AIG1: variants seen among roughly 807,000 people sequenced by gnomAD.
AIG1 encodes the protein androgen-induced gene 1 protein.
AIG1 carries 23 observed loss-of-function variants against 31.4 expected under a neutral mutation model. That is an observed-to-expected ratio of 0.73 (90% CI 0.53 to 1.04). AIG1 has a LOEUF of 1.04. AIG1 is among the 50% of genes least tolerant of loss of function. The pLI is 0.00. For synonymous variants in AIG1, 100 were observed against 110.5 expected, an observed-to-expected ratio of 0.90 and a Z score of 0.60; for missense variants, 274 against 295.0, an observed-to-expected ratio of 0.93 and a Z score of 0.52.
chr6:143,321,470 G>A (rs1184407628), intron 4 of AIG1, among the ~76,000 whole-genome samples: 13 of 151,762 alleles, frequency 8.6e-5, no homozygotes, highest in Admixed American at 2.6e-4. Context: ...GTGGTTGCAC[G>A]CACCTGTAAT....
chr6:143,110,342 C>G (rs1781162956), intron 1 of AIG1, among the ~76,000 whole-genome samples: 1 of 152,044 alleles, frequency 6.6e-6, no homozygotes, highest in African/African-American at 2.4e-5. Flanking sequence ...ATCAGCTTGC[C>G]AAATTTCACA....
chr6:143,071,272 G>A (rs536264370), intron 1 of AIG1, among the ~76,000 whole-genome samples: 18 of 152,230 alleles, frequency 1.2e-4, no homozygotes, highest in East Asian at 7.7e-4. Context: ...TCAGTAGTTC[G>A]TTCCTTTTTA....
At position 143,288,430 on chromosome 6, in the gene AIG1, A is replaced by AT. The variant is rs200564941; in HGVS notation, c.515+4205_515+4206insT. On this transcript the variant is annotated intron_variant, in intron 4 of 5. Coordinates refer to ENST00000357847, the MANE Select transcript of AIG1 (RefSeq NM_016108.4). This position sits in a 1 kb window ranked among gnomAD's most constrained non-coding sequence, Gnocchi z 4.4. ...GACACATCAAGAGCAAGTAGGCCTT[A>AT]GTGAAGGGGACAAAATGGATCCTGG... Among the ~76,000 whole-genome samples the AT allele has an allele frequency of 0.13, 19,329 of 152,182 alleles. 1,525 individuals carry two copies. Among genetic ancestry groups the AT allele is most frequent in the East Asian group, 0.36 (1,849 of 5,138 alleles).
chr6:143,131,679 C>G (rs1253401503), intron 1 of AIG1, among the ~76,000 whole-genome samples: 1 of 152,176 alleles, frequency 6.6e-6, no homozygotes, highest in African/African-American at 2.4e-5. Context: ...CTCACAATGT[C>G]AAGGGACTGG....
intron 4 of AIG1, among the ~76,000 whole-genome samples, chr6:143,289,938 C>T (rs9376736): frequency 0.066 from 9,970 of 152,158 alleles, 894 homozygotes; most frequent in African/African-American, 0.2. Flanking sequence ...CAAATCTGGC[C>T]GACACGTGTT....
chr6:143,171,470 TATATATA>T (rs1562454248), intron 3 of AIG1, among the ~76,000 whole-genome samples: 3 of 115,656 alleles, frequency 2.6e-5, no homozygotes, highest in African/African-American at 7.5e-5. Context: ...ATATATTTAA[TATATATA>T]ATATATATTA....
At chr6:143,307,308 T>C (rs1214671815) in intron 4 of AIG1, among the ~76,000 whole-genome samples, 1 of 152,152 alleles carries the variant, frequency 6.6e-6, no homozygotes, top group Admixed American at 6.6e-5. Context: ...TTTTCTGCTG[T>C]TTTTTCCCCA....
intron 3 of AIG1, among the ~76,000 whole-genome samples, chr6:143,273,524 A>T (rs1425748278): frequency 6.6e-6 from 1 of 152,150 alleles, no homozygotes; most frequent in Non-Finnish European, 1.5e-5. Flanking sequence ...CTCACTCCCC[A>T]GAATGTTTCT....
intron 4 of AIG1, among the ~76,000 whole-genome samples, chr6:143,321,882 T>C (rs1776246022): frequency 6.6e-6 from 1 of 152,188 alleles, no homozygotes; most frequent in African/African-American, 2.4e-5. Flanking sequence ...GTGTTGCTGA[T>C]AGACTGGGAG....
At chr6:143,082,466 T>G (rs1778352175) in intron 1 of AIG1, among the ~76,000 whole-genome samples, 1 of 152,364 alleles carries the variant, frequency 6.6e-6, no homozygotes, top group South Asian at 2.1e-4. Context: ...TGCGCAAGTG[T>G]GCAGTCACAG....
intron 3 of AIG1, among the ~76,000 whole-genome samples, chr6:143,168,043 A>G (rs1335780463): frequency 6.6e-6 from 1 of 152,214 alleles, no homozygotes; most frequent in East Asian, 1.9e-4. Flanking sequence ...CAATTAAAAT[A>G]TGAACATTAA....
chr6:143,275,077 A>C (rs559215473), intron 3 of AIG1, among the ~76,000 whole-genome samples: 1 of 152,330 alleles, frequency 6.6e-6, no homozygotes. Context: ...ACAAAGTTAG[A>C]CTAGCTTTCT....
chr6:143,119,036 A>G (rs1205221905), intron 1 of AIG1, among the ~76,000 whole-genome samples: 1 of 151,836 alleles, frequency 6.6e-6, no homozygotes, highest in Non-Finnish European at 1.5e-5. Flanking sequence ...ATTGCATCCA[A>G]CTAGTTTTTC....
intron 5 of AIG1, chr6:143,335,603 G>C (rs1228311822): frequency 2.0e-5 from 3 of 151,374 alleles, no homozygotes; most frequent in African/African-American, 7.3e-5. Flanking sequence ...AATATTTTAA[G>C]ATCTGGAACA....
In AIG1 at chr6:143,209,953, C is replaced by G. The variant is rs373650535; in HGVS notation, c.399+44770C>G. Among the ~76,000 whole-genome samples, 17 of 152,288 alleles carry G rather than the reference C, an allele frequency of 1.1e-4. 1 individual carries two copies. In the East Asian group the frequency reaches 1.9e-3, roughly 17 times the overall value. ...TGTATCCCACAAGCCAGGAGCAGAG[C>G]GTCAAATACACTAGTTGATACAGTT... On this transcript the variant is annotated intron_variant, in intron 3 of 5. Coordinates refer to ENST00000357847, the MANE Select transcript of AIG1 (RefSeq NM_016108.4).
intron 4 of AIG1, among the ~76,000 whole-genome samples, chr6:143,300,179 G>A (rs1278127159): frequency 1.3e-5 from 2 of 152,118 alleles, no homozygotes; most frequent in East Asian, 3.9e-4. Flanking sequence ...ACTAGGACTG[G>A]GGACCAATGA....
chr6:143,172,973 C>T (rs111972112), intron 3 of AIG1, among the ~76,000 whole-genome samples: 6 of 152,066 alleles, frequency 3.9e-5, no homozygotes, highest in Admixed American at 2.0e-4. Flanking sequence ...TGGTTAATCT[C>T]GCTAATGGTC....
At chr6:143,233,302 C>T (rs1271881704) in intron 3 of AIG1, among the ~76,000 whole-genome samples, 1 of 151,994 alleles carries the variant, frequency 6.6e-6, no homozygotes, top group Non-Finnish European at 1.5e-5. Context: ...AAATTTTTTA[C>T]ATTTTAAAAC....
At chr6:143,172,447 A>G (rs1044970162) in intron 3 of AIG1, among the ~76,000 whole-genome samples, 2 of 152,082 alleles carry the variant, frequency 1.3e-5, no homozygotes, top group Non-Finnish European at 2.9e-5. Flanking sequence ...TCTTTTTCAC[A>G]CGTTGTTGGA....
Sources: allele counts gnomAD v4.1 joint callset (sites outside exome capture counted in the v4.1 genomes callset), GRCh38; gene constraint gnomAD v4.1.1; non-coding constraint Gnocchi (gnomAD v3.1); transcripts MANE v1.5; gene names NCBI Gene and HGNC (gene_info 2026-07-23, HGNC 2026-07-21).